PCDHGA5: variants seen among roughly 807,000 people sequenced by gnomAD.
PCDHGA5 encodes the protein protocadherin gamma-A5.
A neutral mutation model predicts 56.7 loss-of-function variants in PCDHGA5; 36 were observed. The observed-to-expected ratio is 0.64, with a 90% CI of 0.49 to 0.84. The LOEUF is 0.84. Among genes scored for constraint, PCDHGA5 ranks in the 40% least tolerant of loss-of-function variants. The probability of loss-of-function intolerance (pLI) is 0.00; values close to 1 mark genes in which losing one functional copy is unlikely to be tolerated. For synonymous variants in PCDHGA5, 563 were observed against 520.2 expected, an observed-to-expected ratio of 1.08 and a Z score of -1.12; for missense variants, 1,305 against 1,201.5, an observed-to-expected ratio of 1.09 and a Z score of -1.27.
rs2097400915 is a variant in PCDHGA5, at chr5:141,431,619, A to G, written c.2422-63188A>G. The stretch of plus-strand genomic sequence containing the variant: ...TATTCCTTCCGGTATGTGGACGACA[A>G]GGCGGCCCAAGTTTTCAAACTAGAT... On this transcript the variant is annotated intron_variant, in intron 1 of 3. Coordinates refer to ENST00000518069, the MANE Select transcript of PCDHGA5 (RefSeq NM_018918.3). The surrounding 1 kb of genome is among the most constrained non-coding windows in gnomAD (Gnocchi z 4.8). 3.1e-6 allele frequency: 5 copies of G among 1,614,230 alleles called. No homozygotes were observed. The highest frequency in any genetic ancestry group is 4.5e-5 in the East Asian group (2 of 44,880).
intron 1 of PCDHGA5, among the ~76,000 whole-genome samples, chr5:141,373,276 G>T (rs1769464753): frequency 6.6e-6 from 1 of 152,204 alleles, no homozygotes; most frequent in Non-Finnish European, 1.5e-5. Flanking sequence ...CACAGATGTT[G>T]CCTATGTCAG....
At chr5:141,504,065 G>C (rs1291060280) in intron 2 of PCDHGA5, among the ~76,000 whole-genome samples, 2 of 152,060 alleles carry the variant, frequency 1.3e-5, no homozygotes, top group African/African-American at 2.4e-5. Context: ...AAACTTCTCT[G>C]AGCCAGATGG....
chr5:141,392,096 A>G (rs2092464422), intron 1 of PCDHGA5: 1 of 152,256 alleles, frequency 6.6e-6, no homozygotes, highest in Non-Finnish European at 1.5e-5. Context: ...AGAATAATTT[A>G]AAAGCAACAA....
Position 141,364,827 on chromosome 5 carries a change from C to T in PCDHGA5, c.497C>T (p.Ser166Phe). 1 of 1,613,996 alleles carries T rather than the reference C, an allele frequency of 6.2e-7. No homozygotes were observed. Among genetic ancestry groups the T allele is most frequent in the Non-Finnish European group, 8.5e-7 (1 of 1,179,900 alleles). ...CGGGATGCGGATGTGGGTGTGAACT[C>T]TCTCCGGAGTTACCAGCTCAGCTCC... ...FARDADVGVN[S>F]LRSYQLSSNL... Residue 166 changes from serine to phenylalanine, a missense_variant, in exon 1 of 4, where the codon TCT (serine) becomes TTT (phenylalanine). Coordinates refer to ENST00000518069, the MANE Select transcript of PCDHGA5 (RefSeq NM_018918.3).
At position 141,489,646 on chromosome 5, in the gene PCDHGA5, C is replaced by A. The variant is rs1274955075; in HGVS notation, c.2422-5161C>A. 1.2e-6 allele frequency: 2 copies of A among 1,614,186 alleles called. No homozygotes were observed. The highest frequency in any genetic ancestry group is 2.7e-5 in the African/African-American group (2 of 75,048). On this transcript the variant is annotated intron_variant, in intron 1 of 3. Coordinates refer to ENST00000518069, the MANE Select transcript of PCDHGA5 (RefSeq NM_018918.3). This position sits in a 1 kb window ranked among gnomAD's most constrained non-coding sequence, Gnocchi z 4.5. Reference sequence around the variant, plus strand: ...TGACAACTCTCCTAGCTTTGCCACCCCTGAGCGAGAGATGCGCATCTCAGA... The same window carrying A: ...TGACAACTCTCCTAGCTTTGCCACCACTGAGCGAGAGATGCGCATCTCAGA...
rs184408500 is a variant in PCDHGA5, at chr5:141,364,574, G to A, written c.244G>A (p.Gly82Ser). The A allele has an allele frequency of 6.2e-7, 1 of 1,614,048 alleles. No homozygotes were observed. The highest frequency in any genetic ancestry group is 1.3e-5 in the African/African-American group (1 of 74,956). The change falls in exon 1 of 4, where the codon GGC (glycine) becomes AGC (serine). Residue 82 changes from glycine (G) to serine (S), a missense_variant. Physicochemically the swap from Gly to Ser is moderately conservative, Grantham distance 56 (BLOSUM62 0). Coordinates refer to ENST00000518069, the MANE Select transcript of PCDHGA5 (RefSeq NM_018918.3). ...GCTTTTTGCCCTGAACCCGCGAAGC[G>A]GCAGCTTGGTCACCGCGGGCAGGAT... ...TQLFALNPRS[G>S]SLVTAGRIDR...
chr5:141,457,632 G>T (rs919693977), intron 1 of PCDHGA5, among the ~76,000 whole-genome samples: 1 of 152,142 alleles, frequency 6.6e-6, no homozygotes, highest in Non-Finnish European at 1.5e-5. Context: ...CTTATACTTG[G>T]CCTGATTATT....
intron 1 of PCDHGA5, among the ~76,000 whole-genome samples, chr5:141,481,749 C>G (rs958851030): frequency 7.9e-5 from 12 of 151,976 alleles, no homozygotes; most frequent in African/African-American, 2.9e-4. Context: ...GTCAGGAGTC[C>G]AAGACCAGCC....
intron 1 of PCDHGA5, chr5:141,388,940 C>T: frequency 6.2e-7 from 1 of 1,613,966 alleles, no homozygotes; most frequent in South Asian, 1.1e-5. Context: ...CTCTACCCAA[C>T]CTAATTATGG....
At chr5:141,372,579 C>A in intron 1 of PCDHGA5, 1 of 1,614,048 alleles carries the variant, frequency 6.2e-7, no homozygotes, top group Non-Finnish European at 8.5e-7. Flanking sequence ...CTACTTTCAG[C>A]CTGGTGTCTG....
intron 1 of PCDHGA5, among the ~76,000 whole-genome samples, chr5:141,425,459 C>A (rs2096876834): frequency 6.6e-6 from 1 of 152,200 alleles, no homozygotes; most frequent in African/African-American, 2.4e-5. Flanking sequence ...CATCACATTT[C>A]ATGTTATTAA....
chr5:141,505,436 T>C lies in PCDHGA5; in HGVS notation c.2524T>C (p.Phe842Leu). 1.2e-6 allele frequency: 2 copies of C among 1,614,118 alleles called. No homozygotes were observed. The highest frequency in any genetic ancestry group is 1.7e-6 in the Non-Finnish European group (2 of 1,179,998). ...DDTGTWPNNQ[F>L]DTEMLQAMIL... is the part of the protein sequence containing the mutation. ...CACCGGCACCTGGCCCAACAACCAG[T>C]TTGACACAGAGATGCTGCAAGCCAT... Residue 842 changes from phenylalanine (F) to leucine (L), a missense_variant, in exon 3 of 4, where the codon TTT becomes CTT. Phe to Leu is a conservative substitution (Grantham distance 22). Coordinates refer to ENST00000518069, the MANE Select transcript of PCDHGA5 (RefSeq NM_018918.3).
chr5:141,441,843 G>T, intron 1 of PCDHGA5: 1 of 356,176 alleles, frequency 2.8e-6, no homozygotes. Context: ...TCGCGCTCTT[G>T]GATATGGTGC....
chr5:141,465,240 G>C (rs569146939), intron 1 of PCDHGA5, among the ~76,000 whole-genome samples: 22 of 152,168 alleles, frequency 1.4e-4, no homozygotes, highest in African/African-American at 5.3e-4. Flanking sequence ...TCAAGTTCAA[G>C]GCACTTTTGT....
At position 141,365,803 on chromosome 5, in the gene PCDHGA5, G is replaced by C; in HGVS notation, c.1473G>C (p.Leu491=). ...SGDNARVTYS[L]AEDTFQGAPL... ...ACAACGCTCGAGTCACCTACTCCCTGGCTGAAGACACATTTCAGGGGGCGC... is the reference window on the plus strand; with the variant it reads ...ACAACGCTCGAGTCACCTACTCCCTCGCTGAAGACACATTTCAGGGGGCGC... Residue 491 remains leucine (L), a synonymous_variant, in exon 1 of 4, where the codon CTG becomes CTC. Coordinates refer to ENST00000518069, the MANE Select transcript of PCDHGA5 (RefSeq NM_018918.3). 3.7e-6 allele frequency: 6 copies of C among 1,613,862 alleles called. No individual in the cohort carries two copies. Among genetic ancestry groups the C allele is most frequent in the South Asian group, 1.1e-5 (1 of 91,076 alleles).
intron 1 of PCDHGA5, chr5:141,423,619 T>A (rs1389600826): frequency 1.2e-6 from 2 of 1,608,208 alleles, no homozygotes; most frequent in Non-Finnish European, 1.7e-6. Context: ...AGCTGAAGAC[T>A]CAGCTATCAT....
chr5:141,464,200 G>C (rs1331779739), intron 1 of PCDHGA5, among the ~76,000 whole-genome samples: 1 of 149,856 alleles, frequency 6.7e-6, no homozygotes, highest in Non-Finnish European at 1.5e-5. Flanking sequence ...AGGAGGCGGA[G>C]ATTGCAGTGA....
intron 1 of PCDHGA5, chr5:141,419,425 C>A (rs3749766): frequency 2.5e-6 from 4 of 1,613,316 alleles, no homozygotes; most frequent in Non-Finnish European, 3.4e-6. Context: ...CCTTCGACCA[C>A]GAGCAGCTGC....
chr5:141,458,624 C>G (rs1382508302), intron 1 of PCDHGA5, among the ~76,000 whole-genome samples: 1 of 152,082 alleles, frequency 6.6e-6, no homozygotes, highest in East Asian at 1.9e-4. Context: ...GGCTGGAGTG[C>G]AGTGGCACAA....
Sources: gnomAD v4.1 joint callset for allele counts (sites outside exome capture counted in the v4.1 genomes callset) on GRCh38, gnomAD v4.1.1 for gene constraint, Gnocchi (gnomAD v3.1) non-coding constraint, MANE v1.5 for transcripts, NCBI Gene and HGNC (gene_info 2026-07-23, HGNC 2026-07-21) for gene names.